Variants in PCDH9 observed in about 807,000 individuals in gnomAD.
PCDH9 encodes protocadherin-9.
A neutral mutation model predicts 70.6 loss-of-function variants in PCDH9; 24 were observed. The observed-to-expected ratio is 0.34, with a 90% CI of 0.25 to 0.48. The LOEUF is 0.48. Among genes scored for constraint, PCDH9 ranks in the 20% least tolerant of loss-of-function variants. PCDH9 has a pLI of 0.99. For synonymous variants in PCDH9, 562 were observed against 558.5 expected (o/e 1.01, Z -0.09); for missense variants, 1,281 against 1,503.6 (o/e 0.85, Z 2.45).
chr13:66,340,873 G>C (rs777871364), intron 4 of PCDH9, among the ~76,000 whole-genome samples: 2 of 152,102 alleles, frequency 1.3e-5, no homozygotes. Context: ...TTTTCTGAAT[G>C]CCTTAACACT....
At chr13:66,369,852 G>A (rs1956615392) in intron 4 of PCDH9, among the ~76,000 whole-genome samples, 1 of 152,054 alleles carries the variant, frequency 6.6e-6, no homozygotes, top group Non-Finnish European at 1.5e-5. Flanking sequence ...TTGTCTATTA[G>A]TAGTCCTTTG....
At chr13:66,639,649 C>T (rs1013863197) in intron 3 of PCDH9, among the ~76,000 whole-genome samples, 1 of 152,166 alleles carries the variant, frequency 6.6e-6, no homozygotes, top group African/African-American at 2.4e-5. Flanking sequence ...AACTCTCCTT[C>T]ACATCTTTTT....
intron 2 of PCDH9, among the ~76,000 whole-genome samples, chr13:67,071,998 T>C (rs892422555): frequency 1.1e-4 from 16 of 152,118 alleles, no homozygotes; most frequent in African/African-American, 3.9e-4. Context: ...GTTTATGCAA[T>C]TGAACGTTTG....
chr13:66,393,750 G>A (rs1388889554), intron 4 of PCDH9, among the ~76,000 whole-genome samples: 1 of 152,198 alleles, frequency 6.6e-6, no homozygotes, highest in African/African-American at 2.4e-5. Flanking sequence ...ATAAGGACTT[G>A]TTTCCAGAGG....
chr13:66,904,140 G>GA (rs1220654288), intron 2 of PCDH9, among the ~76,000 whole-genome samples: 1 of 151,504 alleles, frequency 6.6e-6, no homozygotes, highest in African/African-American at 2.4e-5. Flanking sequence ...AGATAAAACT[G>GA]AAAAAAACAG....
chr13:66,468,721 A>G (rs1958560730), intron 4 of PCDH9, among the ~76,000 whole-genome samples: 1 of 152,164 alleles, frequency 6.6e-6, no homozygotes. Flanking sequence ...AAATTTATAC[A>G]TATTAACAAT....
chr13:66,901,641 T>C (rs1306437967), intron 3 of PCDH9, among the ~76,000 whole-genome samples: 1 of 151,850 alleles, frequency 6.6e-6, no homozygotes, highest in East Asian at 1.9e-4. Flanking sequence ...TAACTCTAGA[T>C]GTCATTTTTT....
At chr13:66,341,419 C>T (rs1956121970) in intron 4 of PCDH9, among the ~76,000 whole-genome samples, 1 of 152,126 alleles carries the variant, frequency 6.6e-6, no homozygotes. Context: ...AAGATACTTG[C>T]TTTTAAATGC....
At chr13:66,387,749 C>A (rs1956953016) in intron 4 of PCDH9, among the ~76,000 whole-genome samples, 1 of 151,988 alleles carries the variant, frequency 6.6e-6, no homozygotes, top group Non-Finnish European at 1.5e-5. Flanking sequence ...CTCAGATATT[C>A]CTATATAGCA....
chr13:66,518,337 G>A (rs1242678262), intron 4 of PCDH9, among the ~76,000 whole-genome samples: 1 of 151,966 alleles, frequency 6.6e-6, no homozygotes, highest in African/African-American at 2.4e-5. Context: ...CTACAACACT[G>A]GGGATTAGAT....
At chr13:66,450,104 C>T (rs1958174501) in intron 4 of PCDH9, among the ~76,000 whole-genome samples, 1 of 152,016 alleles carries the variant, frequency 6.6e-6, no homozygotes, top group Non-Finnish European at 1.5e-5. Context: ...AGTGAAAAAA[C>T]ACAGACAACT....
chr13:66,462,137 C>G (rs1958435713), intron 4 of PCDH9, among the ~76,000 whole-genome samples: 1 of 151,704 alleles, frequency 6.6e-6, no homozygotes, highest in Non-Finnish European at 1.5e-5. Context: ...TGTTACAAAC[C>G]ATGCTCCCCC....
At chr13:67,109,686 C>T (rs9541003) in intron 2 of PCDH9, among the ~76,000 whole-genome samples, 18,534 of 152,114 alleles carry the variant, frequency 0.12, 1,204 homozygotes, top group African/African-American at 0.15. Flanking sequence ...AAGACTAAAT[C>T]GATTTTCAAG....
At chr13:66,851,423 T>G (rs1046451190) in intron 3 of PCDH9, among the ~76,000 whole-genome samples, 1 of 152,180 alleles carries the variant, frequency 6.6e-6, no homozygotes, top group African/African-American at 2.4e-5. Context: ...CAGTGATTTT[T>G]AAAAGTAAAA....
intron 4 of PCDH9, among the ~76,000 whole-genome samples, chr13:66,625,804 G>C (rs1261388359): frequency 6.6e-6 from 1 of 151,812 alleles, no homozygotes; most frequent in Non-Finnish European, 1.5e-5. Flanking sequence ...GGGATTACAG[G>C]CACGCACCAC....
chr13:66,328,530 A>G (rs1479537330), intron 4 of PCDH9, among the ~76,000 whole-genome samples: 4 of 152,344 alleles, frequency 2.6e-5, no homozygotes, highest in Middle Eastern at 3.4e-3. Context: ...GCCTCCTTGT[A>G]CAGCAGAATC....
rs183918365 is a variant in PCDH9, at chr13:66,543,168, G to A, written c.3340+88042C>T. 1.4e-4 allele frequency among the ~76,000 whole-genome samples: 22 copies of A among 152,104 alleles called. No homozygotes were observed. In the South Asian group the frequency reaches 1.5e-3, roughly 10 times the overall value. ...TTAAATAATATCAAATCAGTTGCAC[G>A]TTAGATGAAAATCACTGACACGTTA... On this transcript the variant is annotated intron_variant, in intron 4 of 4. Coordinates refer to ENST00000377865, the MANE Select transcript of PCDH9 (RefSeq NM_203487.3).
chr13:66,519,363 G>T (rs1273037437), intron 4 of PCDH9, among the ~76,000 whole-genome samples: 1 of 151,990 alleles, frequency 6.6e-6, no homozygotes, highest in Admixed American at 6.6e-5. Flanking sequence ...CATTAATCGG[G>T]TTATGCACAA....
At chr13:66,384,103 G>C (rs1956889524) in intron 4 of PCDH9, among the ~76,000 whole-genome samples, 1 of 151,942 alleles carries the variant, frequency 6.6e-6, no homozygotes. Flanking sequence ...TTTCCTATTT[G>C]TGCATCCAGT....
Sources: gnomAD v4.1 joint callset for allele counts (sites outside exome capture counted in the v4.1 genomes callset) on GRCh38, gnomAD v4.1.1 for gene constraint, MANE v1.5 for transcripts, NCBI Gene and HGNC (gene_info 2026-07-23, HGNC 2026-07-21) for gene names.